Variants in TAS1R1 observed in about 807,000 individuals in gnomAD.
TAS1R1 encodes taste receptor type 1 member 1.
In TAS1R1, 31 loss-of-function variants were observed where a neutral mutation model predicts 45.8. That is an observed-to-expected ratio of 0.68 (90% CI 0.51 to 0.91). TAS1R1 has a LOEUF of 0.91. Among genes scored for constraint, TAS1R1 ranks in the 40% least tolerant of loss-of-function variants. The pLI is 0.00. For missense variants in TAS1R1, 1,051 were observed against 1,063.9 expected, an observed-to-expected ratio of 0.99 and a Z score of 0.17; for synonymous variants, 437 against 448.4, an observed-to-expected ratio of 0.97 and a Z score of 0.32.
At position 6,562,325 on chromosome 1, in the gene TAS1R1, C is replaced by T. The variant is rs535310563; in HGVS notation, c.191+6761C>T. On this transcript the variant is annotated intron_variant, in intron 1 of 5. Coordinates refer to ENST00000333172, the MANE Select transcript of TAS1R1 (RefSeq NM_138697.4). ...CTGGGACTACAGGCGACCGCCACCACGCCAGGCTAATTTTTTGTATTTTTA... is the reference window on the plus strand; with the variant it reads ...CTGGGACTACAGGCGACCGCCACCATGCCAGGCTAATTTTTTGTATTTTTA... Among the ~76,000 whole-genome samples, 15 of 152,246 alleles carry T rather than the reference C, an allele frequency of 9.9e-5. No individual in the cohort carries two copies. The South Asian group carries it at 2.3e-3, about 23-fold the overall frequency.
chr1:6,578,959 G>C lies in TAS1R1; in HGVS notation c.1901G>C (p.Arg634Pro), dbSNP rs373982288. The change falls in exon 6 of 6, where the codon CGC (arginine) becomes CCC (proline). Residue 634 changes from arginine to proline, a missense_variant. By Grantham distance (103) the Arg-to-Pro change is moderately radical. Coordinates refer to ENST00000333172, the MANE Select transcript of TAS1R1 (RefSeq NM_138697.4). ...CCCACAAGGCCTGCGTGCTTGCTAC[G>C]CCAGGCCCTCTTTGCCCTTGGTTTC... Reference protein sequence around the residue: ...GEPTRPACLLRQALFALGFTI... With the variant: ...GEPTRPACLLPQALFALGFTI... The C allele has an allele frequency of 1.9e-6, 3 of 1,613,966 alleles. No homozygotes were observed. The African/African-American group carries it at 4.0e-5, about 22-fold the overall frequency.
rs1289888254 is a variant in TAS1R1 at position 6,574,761 on chromosome 1, G to A, written c.629G>A (p.Trp210Ter). 2 of 1,614,160 alleles carry A rather than the reference G, an allele frequency of 1.2e-6. No individual in the cohort carries two copies. Among genetic ancestry groups the A allele is most frequent in the African/African-American group, 1.3e-5 (1 of 74,960 alleles). Reference sequence around the variant, plus strand: ...CTGCTGCAGAAGTTCGGGTGGACCTGGATCTCTCTGGTTGGCAGCAGTGAC... The same window carrying A: ...CTGCTGCAGAAGTTCGGGTGGACCTAGATCTCTCTGGTTGGCAGCAGTGAC... Reference protein sequence around the residue: ...VLLLQKFGWTWISLVGSSDDY... With the variant: ...VLLLQKFGWT The change falls in exon 3 of 6, where the codon TGG becomes TAG. Residue 210 changes from tryptophan to a stop codon, truncating the protein, a stop_gained. Transcript: ENST00000333172. LOFTEE classifies it high-confidence loss of function. This position sits in a 1 kb window ranked among gnomAD's most constrained non-coding sequence, Gnocchi z 4.3.
chr1:6,568,997 T>C (rs1639939662), intron 1 of TAS1R1, among the ~76,000 whole-genome samples: 1 of 152,128 alleles, frequency 6.6e-6, no homozygotes, highest in Admixed American at 6.5e-5. Context: ...TCTCCTCAGC[T>C]CTTGCCACCT....
In TAS1R1 at chr1:6,571,230, C is replaced by T. The variant is rs1640008060; in HGVS notation, c.498+15C>T. 2.6e-6 allele frequency: 4 copies of T among 1,544,902 alleles called. No homozygotes were observed. The South Asian group carries it at 5.1e-5, about 20-fold the overall frequency. On this transcript the variant is annotated intron_variant, in intron 2 of 5. Coordinates refer to ENST00000333172, the MANE Select transcript of TAS1R1 (RefSeq NM_138697.4). The stretch of plus-strand genomic sequence containing the variant: ...TGGTGCCCATGGTAAGCTGGAGCCT[C>T]AGACCTTTGCCCATCTCCCTTCAGG...
rs774220499 is a variant in TAS1R1, at chr1:6,579,036, T to A, written c.1978T>A (p.Phe660Ile). The change falls in exon 6 of 6, where the codon TTC (phenylalanine) becomes ATC (isoleucine). Residue 660 changes from phenylalanine (F) to isoleucine (I), a missense_variant. By Grantham distance (21) the Phe-to-Ile change is conservative. Coordinates refer to ENST00000333172, the MANE Select transcript of TAS1R1 (RefSeq NM_138697.4). ...TCGCTCATTCCAACTAATCATCATCTTCAAGTTTTCCACCAAGGTACCTAC... is the reference window on the plus strand; with the variant it reads ...TCGCTCATTCCAACTAATCATCATCATCAAGTTTTCCACCAAGGTACCTAC... ...TVRSFQLIIIFKFSTKVPTFY... is the reference protein window; with the variant it reads ...TVRSFQLIIIIKFSTKVPTFY... 3 of 1,613,152 alleles carry A rather than the reference T, an allele frequency of 1.9e-6. No individual in the cohort carries two copies. Among genetic ancestry groups the A allele is most frequent in the South Asian group, 2.2e-5 (2 of 91,058 alleles).
chr1:6,559,320 G>A (rs770858916), intron 1 of TAS1R1, among the ~76,000 whole-genome samples: 2 of 151,704 alleles, frequency 1.3e-5, no homozygotes, highest in East Asian at 2.0e-4. Flanking sequence ...ATGAGCCGCC[G>A]TGCCTAGCCT....
intron 1 of TAS1R1, among the ~76,000 whole-genome samples, chr1:6,564,405 G>A (rs1639839296): frequency 6.6e-6 from 1 of 152,074 alleles, no homozygotes; most frequent in East Asian, 1.9e-4. Context: ...GTTAGAAGGG[G>A]GCCTGTTTTG....
At chr1:6,558,128 C>G (rs1262955786) in intron 1 of TAS1R1, among the ~76,000 whole-genome samples, 1 of 150,864 alleles carries the variant, frequency 6.6e-6, no homozygotes, top group Non-Finnish European at 1.5e-5. Context: ...CTCACTGCAG[C>G]TTTGCTTGGG....
At chr1:6,572,391 C>G (rs1387203634) in intron 2 of TAS1R1, among the ~76,000 whole-genome samples, 1 of 151,388 alleles carries the variant, frequency 6.6e-6, no homozygotes, top group African/African-American at 2.4e-5. Flanking sequence ...TCCTAAGTAG[C>G]TGGGTCCACA....
At chr1:6,568,477 GAAC>G (rs1310929911) in intron 1 of TAS1R1, among the ~76,000 whole-genome samples, 3 of 146,302 alleles carry the variant, frequency 2.1e-5, no homozygotes, top group Non-Finnish European at 4.5e-5. Flanking sequence ...AAAAAAAAAA[GAAC>G]AATAGTTCCT....
chr1:6,567,586 C>T (rs1485193883), intron 1 of TAS1R1, among the ~76,000 whole-genome samples: 1 of 148,960 alleles, frequency 6.7e-6, no homozygotes, highest in Non-Finnish European at 1.5e-5. Context: ...AAGAGGAGAT[C>T]GGCTTACCTG....
At chr1:6,571,289 C>A in intron 2 of TAS1R1, 74 bp downstream of exon 2, 1 of 1,357,054 alleles carries the variant, frequency 7.4e-7, no homozygotes, top group Non-Finnish European at 9.6e-7. Flanking sequence ...GCAAGAGCTG[C>A]TGTCCCCCCC....
intron 3 of TAS1R1, among the ~76,000 whole-genome samples, chr1:6,576,033 T>A (rs1157279182): frequency 6.6e-6 from 1 of 152,128 alleles, no homozygotes; most frequent in Non-Finnish European, 1.5e-5. Flanking sequence ...TTTCACCATG[T>A]TGGCCAGGCT....
chr1:6,555,402 G>T lies in TAS1R1; in HGVS notation c.29G>T (p.Gly10Val). The change falls in exon 1 of 6, where the codon GGC becomes GTC. Residue 10 changes from glycine (G) to valine (V), a missense_variant. Gly to Val is a moderately radical substitution (Grantham distance 109). Transcript: ENST00000333172. ...CTGCTCTGCACGGCTCGCCTGGTCG[G>T]CCTGCAGCTTCTCATTTCCTGCTGC... MLLCTARLV[G>V]LQLLISCCWA... 6.2e-7 allele frequency: 1 copy of T among 1,603,720 alleles called. No homozygotes were observed. The highest frequency in any genetic ancestry group is 1.3e-5 in the African/African-American group (1 of 74,934).
chr1:6,573,652 ATTTATTTTTATT>A lies in TAS1R1; in HGVS notation c.499-963_499-952del, dbSNP rs926345428. 7.9e-5 allele frequency among the ~76,000 whole-genome samples: 12 copies of A among 151,508 alleles called. No individual in the cohort carries two copies. In the South Asian group the frequency reaches 2.3e-3, roughly 29 times the overall value. On this transcript the variant is annotated intron_variant, in intron 2 of 5. Coordinates refer to ENST00000333172, the MANE Select transcript of TAS1R1 (RefSeq NM_138697.4). ...TCAAGTGCATTACATTTATTTATTT[ATTTATTTTTATT>A]TTTATTTTTATTTTTTGAGACGGAG...
At chr1:6,569,234 A>G (rs1265721781) in intron 1 of TAS1R1, among the ~76,000 whole-genome samples, 3 of 152,138 alleles carry the variant, frequency 2.0e-5, no homozygotes, top group Non-Finnish European at 4.4e-5. Flanking sequence ...AAGAGGAGTC[A>G]TCGACTGGGG....
intron 1 of TAS1R1, among the ~76,000 whole-genome samples, chr1:6,561,012 C>A (rs937125953): frequency 8.4e-6 from 1 of 118,440 alleles, no homozygotes; most frequent in Non-Finnish European, 1.8e-5. Context: ...AAAAGAGGGG[C>A]GATGTTTATG....
intron 1 of TAS1R1, among the ~76,000 whole-genome samples, chr1:6,568,686 G>C (rs1487288071): frequency 6.6e-6 from 1 of 152,112 alleles, no homozygotes; most frequent in African/African-American, 2.4e-5. Context: ...GCTGGGGTCT[G>C]TGGGTTGGTA....
At chr1:6,561,405 C>T (rs771782914) in intron 1 of TAS1R1, among the ~76,000 whole-genome samples, 9 of 152,106 alleles carry the variant, frequency 5.9e-5, no homozygotes, top group South Asian at 2.1e-4. Context: ...TTTGAAGTGA[C>T]GCTACTGCTA....
Sources: allele counts gnomAD v4.1 joint callset (sites outside exome capture counted in the v4.1 genomes callset), GRCh38; gene constraint gnomAD v4.1.1; non-coding constraint Gnocchi (gnomAD v3.1); transcripts MANE v1.5; gene names NCBI Gene and HGNC (gene_info 2026-07-23, HGNC 2026-07-21).